Variants in ANK2 observed in about 807,000 individuals in gnomAD.
The protein encoded by ANK2 is ankyrin-2.
A neutral mutation model predicts 360.5 loss-of-function variants in ANK2; 83 were observed. The ratio of observed to expected loss-of-function variants is 0.23; its 90% CI spans 0.19 to 0.28. The LOEUF (loss-of-function observed/expected upper bound fraction) is 0.28. ANK2 is among the 10% of genes least tolerant of loss of function. The pLI, the probability that ANK2 is intolerant of heterozygous loss-of-function variation, is 1.00. For synonymous variants in ANK2, 1,740 were observed against 1,759.5 expected (o/e 0.99, Z 0.28); for missense variants, 4,201 against 4,795.7 (o/e 0.88, Z 3.66).
At chr4:112,755,846 G>A in the ANK2 span, 2 of 153,962 alleles carry the variant, frequency 1.3e-5, no homozygotes, top group East Asian at 1.9e-4. Flanking sequence ...CAGTGGGAGT[G>A]GAGAAGGAAC....
intron 1 of ANK2, among the ~76,000 whole-genome samples, chr4:112,863,612 T>C (rs1344474675): frequency 1.5e-5 from 2 of 135,766 alleles, no homozygotes; most frequent in Non-Finnish European, 1.5e-5. Flanking sequence ...AAGCTCCGCC[T>C]CCCGGGTTCA....
At position 113,356,348 on chromosome 4, in the gene ANK2, G is replaced by A. The variant is rs2095773395; in HGVS notation, c.7730G>A (p.Gly2577Glu). Residue 2577 changes from glycine (G) to glutamate (E), a missense_variant, in exon 38 of 46, where the codon GGG becomes GAG. This residue lies in a region of ANK2 where 2,642 missense variants were observed against 2,714.5 expected (regional missense o/e 0.97). Transcript: ENST00000357077. The stretch of plus-strand genomic sequence containing the variant: ...GCAGAGGAGGATGATTCAGAAAACG[G>A]GGAGAAAAAGAGGTTCACACCTGAA... ...ECAEEDDSEN[G>E]EKKRFTPEEE... The A allele has an allele frequency of 1.9e-6, 3 of 1,614,072 alleles. No homozygotes were observed. In the South Asian group the frequency reaches 3.3e-5, roughly 18 times the overall value.
intron 2 of ANK2, among the ~76,000 whole-genome samples, chr4:112,916,322 A>G (rs2089820833): frequency 6.6e-6 from 1 of 152,232 alleles, no homozygotes; most frequent in Non-Finnish European, 1.5e-5. Context: ...AATGCACTAT[A>G]CTAAAGCATC....
chr4:112,708,052 T>A, the ANK2 span, among the ~76,000 whole-genome samples: 1,373 of 152,354 alleles, frequency 9.0e-3, 21 homozygotes, highest in African/African-American at 0.031. Flanking sequence ...TCTACCTGAT[T>A]CATCCAGTCA....
At chr4:112,811,118 T>C in the ANK2 span, among the ~76,000 whole-genome samples, 2 of 151,794 alleles carry the variant, frequency 1.3e-5, no homozygotes. Flanking sequence ...TTTGTATTTT[T>C]AGTAGCGATG....
At chr4:112,981,567 G>A (rs2043129229) in intron 2 of ANK2, among the ~76,000 whole-genome samples, 1 of 152,212 alleles carries the variant, frequency 6.6e-6, no homozygotes, top group African/African-American at 2.4e-5. Context: ...TTCAGGTTGA[G>A]AGGACGAGTA....
intron 9 of ANK2, among the ~76,000 whole-genome samples, chr4:113,247,853 C>A (rs971342513): frequency 1.3e-5 from 2 of 152,160 alleles, no homozygotes; most frequent in Non-Finnish European, 2.9e-5. Context: ...ACCAAGAATA[C>A]GTTTGAGAAA....
At chr4:113,115,799 G>C (rs1007406589) in intron 1 of ANK2, among the ~76,000 whole-genome samples, 2 of 152,140 alleles carry the variant, frequency 1.3e-5, no homozygotes, top group African/African-American at 2.4e-5. Flanking sequence ...TTTTCTAGGA[G>C]AGCATTTTTA....
chr4:113,350,194 T>A (rs1296610520), intron 36 of ANK2, 34 bp from the exon 37 acceptor site: 12 of 1,598,560 alleles, frequency 7.5e-6, no homozygotes, highest in Non-Finnish European at 8.6e-6. Flanking sequence ...AGGCAGTATT[T>A]GTAACCATTC....
intron 4 of ANK2, among the ~76,000 whole-genome samples, chr4:113,219,641 T>G (rs1357879158): frequency 6.6e-6 from 1 of 152,144 alleles, no homozygotes; most frequent in East Asian, 1.9e-4. Flanking sequence ...ACCTGCTTTT[T>G]TGTAGTTTAA....
intron 1 of ANK2, among the ~76,000 whole-genome samples, chr4:112,844,126 C>T (rs1423019347): frequency 6.6e-6 from 1 of 152,138 alleles, no homozygotes; most frequent in African/African-American, 2.4e-5. Flanking sequence ...TGAAATATAT[C>T]TTAAAAAGCT....
chr4:112,818,975 G>C (rs1176369609), intron 1 of ANK2, among the ~76,000 whole-genome samples: 2 of 152,108 alleles, frequency 1.3e-5, no homozygotes, highest in African/African-American at 4.8e-5. Flanking sequence ...TTTCTGAGCA[G>C]TGTTTTTTTG....
the ANK2 span, among the ~76,000 whole-genome samples, chr4:112,785,050 A>G: frequency 6.6e-6 from 1 of 152,204 alleles, no homozygotes; most frequent in Non-Finnish European, 1.5e-5. Flanking sequence ...CTTTAAAATT[A>G]TAATATATTA....
At chr4:113,238,826 C>G (rs929659705) in intron 7 of ANK2, among the ~76,000 whole-genome samples, 3 of 152,162 alleles carry the variant, frequency 2.0e-5, no homozygotes, top group African/African-American at 7.2e-5. Flanking sequence ...AGGGCTGATA[C>G]CAGTTTTGTG....
chr4:113,355,015 T>A lies in ANK2; in HGVS notation c.6397T>A (p.Ser2133Thr). 6.2e-7 allele frequency: 1 copy of A among 1,613,828 alleles called. No homozygotes were observed. Among genetic ancestry groups the A allele is most frequent in the South Asian group, 1.1e-5 (1 of 91,052 alleles). Residue 2133 changes from serine (S) to threonine (T), a missense_variant, in exon 38 of 46, where the codon TCC (serine) becomes ACC (threonine). This residue lies in a region of ANK2 where 2,642 missense variants were observed against 2,714.5 expected (regional missense o/e 0.97). Transcript: ENST00000357077. ...ACAGATCAGCCCAGATAGGAAAACC[T>A]CCACTGACTTCTCTGAGGTCATTAA... ...DLQISPDRKT[S>T]TDFSEVIKQE...
intron 5 of ANK2, among the ~76,000 whole-genome samples, chr4:113,234,931 C>T (rs2099359504): frequency 1.3e-5 from 2 of 152,060 alleles, no homozygotes; most frequent in African/African-American, 4.8e-5. Flanking sequence ...TAGCCTTGTC[C>T]CATGCAGTAC....
rs746734491 is a variant in ANK2, at chr4:112,860,470, C to T, written c.-40+42206C>T. Among the ~76,000 whole-genome samples, 8 of 152,132 alleles carry T rather than the reference C, an allele frequency of 5.3e-5. No individual in the cohort carries two copies. In the East Asian group the frequency reaches 7.7e-4, roughly 15 times the overall value. On this transcript the variant is annotated intron_variant, in intron 1 of 30. Transcript: ENST00000503271. ...TCGAACTCCTGACCTCATGATCCGC[C>T]GGCCTTTGAACACTAGAAAAAAACT... is the stretch of plus-strand genomic sequence containing the variant.
intron 1 of ANK2, among the ~76,000 whole-genome samples, chr4:112,853,877 T>C (rs969118259): frequency 6.6e-6 from 1 of 152,170 alleles, no homozygotes; most frequent in Non-Finnish European, 1.5e-5. Flanking sequence ...TAGAAATAAA[T>C]GCATTAAACA....
rs754587486 is a variant in ANK2, at chr4:113,353,853, T to C, written c.5235T>C (p.Pro1745=). The change falls in exon 38 of 46, where the codon CCT becomes CCC. Residue 1745 remains proline (P), a synonymous_variant. Transcript: ENST00000357077. Reference sequence around the variant, plus strand: ...TAGGTGAAGACCCAGGTTTAGCCCCTGAACCCCTTCCCACTGTCAAGGCCA... The same window carrying C: ...TAGGTGAAGACCCAGGTTTAGCCCCCGAACCCCTTCCCACTGTCAAGGCCA... ...ESLGEDPGLA[P]EPLPTVKATS... is the part of the protein sequence containing the mutation. 1.9e-6 allele frequency: 3 copies of C among 1,613,998 alleles called. No homozygotes were observed. Among genetic ancestry groups the C allele is most frequent in the South Asian group, 2.2e-5 (2 of 91,060 alleles).
Sources: allele counts gnomAD v4.1 joint callset (sites outside exome capture counted in the v4.1 genomes callset), GRCh38; gene constraint gnomAD v4.1.1; regional missense constraint gnomAD v4.1.1; transcripts MANE v1.5; gene names NCBI Gene and HGNC (gene_info 2026-07-23, HGNC 2026-07-21).